The following BRCA2 variants were observed in gnomAD, a reference collection of about 807,000 sequenced individuals.
BRCA2 encodes BRCA2 DNA repair associated.
A neutral mutation model predicts 276.7 loss-of-function variants in BRCA2; 203 were observed. The ratio of observed to expected loss-of-function variants is 0.73; its 90% CI spans 0.65 to 0.82. The LOEUF (loss-of-function observed/expected upper bound fraction) is 0.82, where lower values mean the gene tolerates loss of function less well. Among genes scored for constraint, BRCA2 ranks in the 40% least tolerant of loss-of-function variants. The pLI is 0.00. For missense variants in BRCA2, 3,920 were observed against 3,915.0 expected, an observed-to-expected ratio of 1.00 and a Z score of -0.03; for synonymous variants, 1,289 against 1,338.4, an observed-to-expected ratio of 0.96 and a Z score of 0.81.
chr13:32,332,848 A>G lies in BRCA2; in HGVS notation c.1370A>G (p.Lys457Arg), dbSNP rs771442299. 6.2e-7 allele frequency: 1 copy of G among 1,611,900 alleles called. No individual in the cohort carries two copies. The highest frequency in any genetic ancestry group is 1.1e-5 in the South Asian group (1 of 90,206). Residue 457 changes from lysine to arginine, a missense_variant, in exon 10 of 27, where the codon AAG (lysine) becomes AGG (arginine). Lys to Arg is a conservative substitution (Grantham distance 26, BLOSUM62 2). Transcript: ENST00000380152. The stretch of plus-strand genomic sequence containing the variant: ...ATTTCTAGCCTACCAAAATCAGAGA[A>G]GCCATTAAATGAGGAAACAGTGGTA... ...PRISSLPKSE[K>R]PLNEETVVNK...
At chr13:32,353,281 T>A (rs1320536705) in intron 13 of BRCA2, among the ~76,000 whole-genome samples, 1 of 152,210 alleles carries the variant, frequency 6.6e-6, no homozygotes, top group Non-Finnish European at 1.5e-5. Context: ...CTTATCTCTT[T>A]GAGTACTCTC....
rs2072509204 is a variant in BRCA2, at chr13:32,338,976, A to C, written c.4621A>C (p.Lys1541Gln). The change falls in exon 11 of 27, where the codon AAA becomes CAA. Residue 1541 changes from lysine to glutamine, a missense_variant. By Grantham distance (53) the Lys-to-Gln change is moderately conservative. Transcript: ENST00000380152. ...TAAAATTGCAAAGGAATCTTTGGAC[A>C]AAGTGAAAAACCTTTTTGATGAAAA... ...KVKIAKESLDKVKNLFDEKEQ... is the reference protein window; with the variant it reads ...KVKIAKESLDQVKNLFDEKEQ... The C allele has an allele frequency of 6.2e-7, 1 of 1,613,734 alleles. No individual in the cohort carries two copies. The highest frequency in any genetic ancestry group is 8.5e-7 in the Non-Finnish European group (1 of 1,179,866).
Position 32,398,784 on chromosome 13 carries a change from C to A in BRCA2, c.*14C>A, listed in dbSNP as rs373436334. The A allele has an allele frequency of 6.2e-7, 1 of 1,612,588 alleles. No homozygotes were observed. Among genetic ancestry groups the A allele is most frequent in the South Asian group, 1.1e-5 (1 of 90,864 alleles). Reference sequence around the variant, plus strand: ...AAATATATCTAAGCATTTGCAAAGGCGACAATAAATTATTGACGCTTAACC... The same window carrying A: ...AAATATATCTAAGCATTTGCAAAGGAGACAATAAATTATTGACGCTTAACC... On this transcript the variant is annotated 3_prime_UTR_variant, in exon 27 of 27. Coordinates refer to ENST00000380152, the MANE Select transcript of BRCA2 (RefSeq NM_000059.4).
rs148854104 is a variant in BRCA2, at chr13:32,322,589, G to A, written c.317-2487G>A. Among the ~76,000 whole-genome samples, 403 of 152,296 alleles carry A rather than the reference G, an allele frequency of 2.6e-3. 3 individuals are homozygous for A. Among genetic ancestry groups the A allele is most frequent in the African/African-American group, 9.3e-3 (386 of 41,562 alleles). ...ACGCCTTTAAGCGGTTTTCTGCCCCGGGTGGGCCAGGTGTTCCTTGCCCTC... is the reference window on the plus strand; with the variant it reads ...ACGCCTTTAAGCGGTTTTCTGCCCCAGGTGGGCCAGGTGTTCCTTGCCCTC... On this transcript the variant is annotated intron_variant, in intron 3 of 26. Transcript: ENST00000380152.
At chr13:32,391,745 T>G (rs2072998689) in intron 24 of BRCA2, among the ~76,000 whole-genome samples, 1 of 152,262 alleles carries the variant, frequency 6.6e-6, no homozygotes, top group African/African-American at 2.4e-5. Context: ...CCTTTTGTCT[T>G]GTGAAGATTT....
chr13:32,397,186 A>G, intron 26 of BRCA2, 142 bp downstream of exon 26: 1 of 940,474 alleles, frequency 1.1e-6, no homozygotes. Flanking sequence ...CTGTAAGTAT[A>G]GTTATTTAGA....
intron 20 of BRCA2, among the ~76,000 whole-genome samples, chr13:32,374,115 G>A (rs1043367744): frequency 6.6e-6 from 1 of 152,242 alleles, no homozygotes; most frequent in Non-Finnish European, 1.5e-5. Context: ...GAGCAAGTGG[G>A]ACACAGGTTG....
At chr13:32,379,582 G>C (rs759418213) in intron 22 of BRCA2, 67 bp downstream of exon 22, 2 of 1,564,658 alleles carry the variant, frequency 1.3e-6, no homozygotes, top group Non-Finnish European at 1.7e-6. Flanking sequence ...CTAACAAAAT[G>C]ATTATAAATC....
In BRCA2 at chr13:32,370,944, A is replaced by G. The variant is rs1593930864; in HGVS notation, c.8488-12A>G. 4 of 1,614,050 alleles carry G rather than the reference A, an allele frequency of 2.5e-6. No individual in the cohort carries two copies. Among genetic ancestry groups the G allele is most frequent in the Non-Finnish European group, 3.4e-6 (4 of 1,179,936 alleles). On this transcript the variant is annotated splice_polypyrimidine_tract_variant and intron_variant, in intron 19 of 26. Coordinates refer to ENST00000380152, the MANE Select transcript of BRCA2 (RefSeq NM_000059.4). ...ATGTGACTTTTTTGGTGTGTGTAACACATTATTACAGTGGATGGAGAAGAC... is the reference window on the plus strand; with the variant it reads ...ATGTGACTTTTTTGGTGTGTGTAACGCATTATTACAGTGGATGGAGAAGAC...
chr13:32,336,340 C>G lies in BRCA2; in HGVS notation c.1985C>G (p.Ser662Cys). ...SEEPTLSLTS[S>C]FGTILRKCSR... Reference sequence around the variant, plus strand: ...GAACCAACTTTGTCCTTAACTAGCTCTTTTGGGACAATTCTGAGGAAATGT... The same window carrying G: ...GAACCAACTTTGTCCTTAACTAGCTGTTTTGGGACAATTCTGAGGAAATGT... Residue 662 changes from serine (S) to cysteine (C), a missense_variant, in exon 11 of 27, where the codon TCT becomes TGT. Coordinates refer to ENST00000380152, the MANE Select transcript of BRCA2 (RefSeq NM_000059.4). The G allele has an allele frequency of 6.2e-7, 1 of 1,606,814 alleles. No homozygotes were observed. Among genetic ancestry groups the G allele is most frequent in the Middle Eastern group, 1.7e-4 (1 of 5,986 alleles).
chr13:32,391,330 G>T (rs1171617370), intron 24 of BRCA2, among the ~76,000 whole-genome samples: 1 of 152,192 alleles, frequency 6.6e-6, no homozygotes, highest in South Asian at 2.1e-4. Context: ...AAGAAGAAAG[G>T]TTCAGTTAGT....
At position 32,340,569 on chromosome 13, in the gene BRCA2, TC is replaced by T. The variant is rs80359567; in HGVS notation, c.6216del (p.Leu2073TyrfsTer8). On this transcript the variant is annotated frameshift_variant, in exon 11 of 27. Transcript: ENST00000380152. LOFTEE classifies it high-confidence loss of function. Reference protein sequence around the residue: ...SGKQVSILESSLHKVKGVLEE... With the variant: ...SGKQVSILESXLHKVKGVLEE... ...AAAGCAAGTTTCCATTTTAGAAAGT[TC>T]CTTACACAAAGTTAAGGGAGTGTTA... 1 of 1,612,320 alleles carries T rather than the reference TC, an allele frequency of 6.2e-7. No homozygotes were observed. Among genetic ancestry groups the T allele is most frequent in the South Asian group, 1.1e-5 (1 of 90,904 alleles).
chr13:32,321,717 T>C (rs1019154590), intron 3 of BRCA2, among the ~76,000 whole-genome samples: 10 of 152,244 alleles, frequency 6.6e-5, no homozygotes, highest in Admixed American at 6.5e-4. Flanking sequence ...AGCTGTGTTT[T>C]TCAACCTGTT....
intron 24 of BRCA2, among the ~76,000 whole-genome samples, chr13:32,387,332 A>C (rs1329136395): frequency 1.3e-5 from 2 of 152,208 alleles, no homozygotes; most frequent in Non-Finnish European, 2.9e-5. Context: ...TCTTTGCTGC[A>C]TTACTAATAT....
At chr13:32,343,149 A>C (rs1158404048) in intron 11 of BRCA2, among the ~76,000 whole-genome samples, 1 of 152,102 alleles carries the variant, frequency 6.6e-6, no homozygotes, top group Non-Finnish European at 1.5e-5. Context: ...GTGGCAAATG[A>C]CTGCATTAGG....
chr13:32,355,182 T>A lies in BRCA2; in HGVS notation c.7329T>A (p.Asp2443Glu), dbSNP rs2137558072. ...QKQNIDGHGS[D>E]DSKNKINDNE... ...AAAACATTGATGGACATGGCTCTGATGATAGTAAAAATAAGATTAATGACA... is the reference window on the plus strand; with the variant it reads ...AAAACATTGATGGACATGGCTCTGAAGATAGTAAAAATAAGATTAATGACA... The change falls in exon 14 of 27, where the codon GAT (aspartate) becomes GAA (glutamate). Residue 2443 changes from aspartate to glutamate, a missense_variant. Physicochemically the swap from Asp to Glu is conservative, Grantham distance 45 (BLOSUM62 2). Around this residue, in one of 2 missense-constraint regions of BRCA2, gnomAD observed 3,263 missense variants for 3,156.9 expected, o/e 1.03. Coordinates refer to ENST00000380152, the MANE Select transcript of BRCA2 (RefSeq NM_000059.4). The A allele has an allele frequency of 6.2e-7, 1 of 1,613,894 alleles. No homozygotes were observed. The highest frequency in any genetic ancestry group is 8.5e-7 in the Non-Finnish European group (1 of 1,179,828).
At chr13:32,376,913 T>G (rs2137614197) in intron 21 of BRCA2, 122 bp downstream of exon 21, 1 of 1,395,456 alleles carries the variant, frequency 7.2e-7, no homozygotes, top group Non-Finnish European at 9.9e-7. Flanking sequence ...AAAAGGGATG[T>G]GTACATTTCT....
At chr13:32,322,800 A>T (rs1174910267) in intron 3 of BRCA2, among the ~76,000 whole-genome samples, 1 of 152,220 alleles carries the variant, frequency 6.6e-6, no homozygotes, top group East Asian at 1.9e-4. Flanking sequence ...GATGTACCAC[A>T]GCTTGTTTAT....
intron 24 of BRCA2, among the ~76,000 whole-genome samples, chr13:32,386,519 ATTAG>A (rs2072961822): frequency 6.6e-6 from 1 of 151,782 alleles, no homozygotes; most frequent in African/African-American, 2.4e-5. Flanking sequence ...CTGATAAAAT[ATTAG>A]TTGCATTCAA....
Sources: allele counts gnomAD v4.1 joint callset (sites outside exome capture counted in the v4.1 genomes callset), GRCh38; gene constraint gnomAD v4.1.1; regional missense constraint gnomAD v4.1.1; transcripts MANE v1.5; gene names NCBI Gene and HGNC (gene_info 2026-07-23, HGNC 2026-07-21).